Variants in AP5S1 observed in about 807,000 individuals in gnomAD.
AP5S1 encodes the protein adaptor related protein complex 5 subunit sigma 1.
A neutral mutation model predicts 13.9 loss-of-function variants in AP5S1; 13 were observed. The observed-to-expected ratio is 0.94, with a 90% CI of 0.61 to 1.49. The LOEUF (loss-of-function observed/expected upper bound fraction) is 1.49. AP5S1 is among the 40% of genes most tolerant of loss of function. The pLI is 0.00. For missense variants in AP5S1, 292 were observed against 272.3 expected (o/e 1.07, Z -0.51); for synonymous variants, 132 against 121.8 (o/e 1.08, Z -0.55).
rs376444614 is a variant in AP5S1 at position 3,823,977 on chromosome 20, C to T, written c.283C>T (p.Arg95Cys). The T allele has an allele frequency of 6.7e-5, 108 of 1,611,800 alleles. No individual in the cohort carries two copies. Among genetic ancestry groups the T allele is most frequent in the Middle Eastern group, 3.3e-4 (2 of 6,084 alleles). The change falls in exon 3 of 3, where the codon CGT (arginine) becomes TGT (cysteine). Residue 95 changes from arginine to cysteine, a missense_variant. Physicochemically the swap from Arg to Cys is radical, Grantham distance 180 (BLOSUM62 -3). Transcript: ENST00000615891. ...GCAAGTGCCGCTGCACGAGGCCCCA[C>T]GTGGGGCTTTCCGCCTGGCAGCAGA... ...DEQVPLHEAPRGAFRLAAENP... is the reference protein window; with the variant it reads ...DEQVPLHEAPCGAFRLAAENP...
intron 1 of AP5S1, 166 bp downstream of exon 1, chr20:3,820,924 C>G (rs1383721299): frequency 6.6e-6 from 1 of 152,210 alleles, no homozygotes; most frequent in Non-Finnish European, 1.5e-5. Flanking sequence ...CCAGTTTAAA[C>G]TGACGGTCTG....
intron 1 of AP5S1, chr20:3,821,745 T>C (rs2089583202): frequency 9.7e-6 from 2 of 205,222 alleles, no homozygotes; most frequent in African/African-American, 4.7e-5. Context: ...TCAGTCTCCT[T>C]CGGTCTGGAG....
chr20:3,821,887 T>C (rs2089584995), intron 1 of AP5S1: 1 of 972,222 alleles, frequency 1.0e-6, no homozygotes, highest in African/African-American at 1.8e-5. Context: ...TCTTTTTTTT[T>C]TTTTTTAGTT....
At chr20:3,823,777 T>G in intron 2 of AP5S1, 94 bp from the exon 3 acceptor site, 1 of 1,525,370 alleles carries the variant, frequency 6.6e-7, no homozygotes, top group Non-Finnish European at 8.8e-7. Context: ...ACTTGAGATA[T>G]GGGGATGATG....
In AP5S1 at chr20:3,823,953, C is replaced by A; in HGVS notation, c.259C>A (p.Gln87Lys). 1 of 1,609,000 alleles carries A rather than the reference C, an allele frequency of 6.2e-7. No individual in the cohort carries two copies. The highest frequency in any genetic ancestry group is 8.5e-7 in the Non-Finnish European group (1 of 1,180,020). ...MDLQPQSSDEQVPLHEAPRGA... is the reference protein window; with the variant it reads ...MDLQPQSSDEKVPLHEAPRGA... Reference sequence around the variant, plus strand: ...CCTGCAGCCGCAATCCTCAGATGAGCAAGTGCCGCTGCACGAGGCCCCACG... The same window carrying A: ...CCTGCAGCCGCAATCCTCAGATGAGAAAGTGCCGCTGCACGAGGCCCCACG... Residue 87 changes from glutamine (Q) to lysine (K), a missense_variant, in exon 3 of 3, where the codon CAA (glutamine) becomes AAA (lysine). Transcript: ENST00000615891.
rs768974928 is a variant in AP5S1, at chr20:3,822,214, A to G, written c.97A>G (p.Lys33Glu). The G allele has an allele frequency of 6.2e-7, 1 of 1,614,146 alleles. No homozygotes were observed. Among genetic ancestry groups the G allele is most frequent in the Admixed American group, 1.7e-5 (1 of 60,004 alleles). The change falls in exon 2 of 3, where the codon AAG (lysine) becomes GAG (glutamate). Residue 33 changes from lysine to glutamate, a missense_variant. Transcript: ENST00000615891. ...VLYSCVFGAE[K>E]SPDDPRPHGA... The stretch of plus-strand genomic sequence containing the variant: ...GTACTCCTGCGTCTTCGGTGCTGAG[A>G]AGTCACCTGATGACCCACGGCCGCA...
At position 3,820,551 on chromosome 20, in the gene AP5S1, C is replaced by T. The variant is rs2089570144; in HGVS notation, c.-224C>T. On this transcript the variant is annotated 5_prime_UTR_variant, in exon 1 of 3. Transcript: ENST00000615891. ...GCGCAGGCGCCCACGGGCCGCGCAG[C>T]CGCCATTGCTCTCCTGCCACGGAGG... 6.6e-6 allele frequency: 1 copy of T among 152,184 alleles called. No homozygotes were observed. The highest frequency in any genetic ancestry group is 2.1e-4 in the South Asian group (1 of 4,834). The allele number at this position is 152,184 out of a possible 1,614,324, so 9.4% of individuals were successfully genotyped here. A position where few individuals can be genotyped will look rare whatever the true frequency, so the allele number is the denominator to read the frequency against.
intron 1 of AP5S1, 175 bp from the exon 2 acceptor site, chr20:3,821,927 A>AT: frequency 1.1e-6 from 1 of 943,744 alleles, no homozygotes; most frequent in Non-Finnish European, 1.2e-6. Context: ...TATGTCTGAG[A>AT]TTTTTTATCA....
rs2089628812 is a variant in AP5S1 at position 3,827,050 on chromosome 20, G to A, written c.*2753G>A. The stretch of plus-strand genomic sequence containing the variant: ...GTGAGATGGCTATGGAAGCAAACTT[G>A]CCTCCCTCTCCAAGCCTCTTCCCTT... On this transcript the variant is annotated 3_prime_UTR_variant, in exon 3 of 3. Coordinates refer to ENST00000615891, the MANE Select transcript of AP5S1 (RefSeq NM_018347.3). 6.6e-6 allele frequency: 1 copy of A among 152,242 alleles called. No homozygotes were observed. The highest frequency in any genetic ancestry group is 1.9e-4 in the East Asian group (1 of 5,198). 9.4% of individuals were successfully genotyped at this position (152,242 alleles called of 1,614,324 possible). A position where few individuals can be genotyped will look rare whatever the true frequency, so the allele number is the denominator to read the frequency against.
chr20:3,822,985 T>TG (rs2146731027), intron 2 of AP5S1, among the ~76,000 whole-genome samples: 1 of 152,242 alleles, frequency 6.6e-6, no homozygotes, highest in African/African-American at 2.4e-5. Context: ...AGCACCACTC[T>TG]GGGGCAACCT....
intron 1 of AP5S1, 148 bp downstream of exon 1, chr20:3,820,906 C>G (rs2089574639): frequency 3.3e-5 from 5 of 152,310 alleles, no homozygotes; most frequent in African/African-American, 1.2e-4. Context: ...TGCGAACCTG[C>G]TATTTTACCA....
chr20:3,823,332 T>G (rs2089597916), intron 2 of AP5S1, among the ~76,000 whole-genome samples: 1 of 152,168 alleles, frequency 6.6e-6, no homozygotes, highest in Non-Finnish European at 1.5e-5. Flanking sequence ...CACTGCAACC[T>G]CCGCCTCCTG....
In AP5S1 at chr20:3,827,904, AGCATGTGCCACCATGCCTG is replaced by A. The variant is rs1025394724; in HGVS notation, c.*3610_*3628del. On this transcript the variant is annotated 3_prime_UTR_variant, in exon 3 of 3. Coordinates refer to ENST00000615891, the MANE Select transcript of AP5S1 (RefSeq NM_018347.3). ...AGCCTCCCAAGTAGCTGGGATTACA[AGCATGTGCCACCATGCCTG>A]GCTAATTTTTGTATCTTTAGTAGAG... The A allele has an allele frequency of 1.3e-5, 2 of 151,360 alleles. No individual in the cohort carries two copies. Among genetic ancestry groups the A allele is most frequent in the African/African-American group, 4.9e-5 (2 of 41,176 alleles). The allele number at this position is 151,360 out of a possible 1,614,324, so 9.4% of individuals were successfully genotyped here. A position where few individuals can be genotyped will look rare whatever the true frequency, so the allele number is the denominator to read the frequency against.
At position 3,827,253 on chromosome 20, in the gene AP5S1, A is replaced by G. The variant is rs952564379; in HGVS notation, c.*2956A>G. 3 of 152,424 alleles carry G rather than the reference A, an allele frequency of 2.0e-5. No individual in the cohort carries two copies. Among genetic ancestry groups the G allele is most frequent in the African/African-American group, 4.8e-5 (2 of 41,464 alleles). The allele number at this position is 152,424 out of a possible 1,614,324, so 9.4% of individuals were successfully genotyped here. A position where few individuals can be genotyped will look rare whatever the true frequency, so the allele number is the denominator to read the frequency against. ...GAAGAGAGCTTACCTGGAAGGAGGA[A>G]GAAGTCACAGGTTTTGTTTTGTTTT... On this transcript the variant is annotated 3_prime_UTR_variant, in exon 3 of 3. Transcript: ENST00000615891.
Position 3,824,224 on chromosome 20 carries a change from G to T in AP5S1, c.530G>T (p.Gly177Val). 1.9e-6 allele frequency: 3 copies of T among 1,614,210 alleles called. No homozygotes were observed. The highest frequency in any genetic ancestry group is 2.5e-6 in the Non-Finnish European group (3 of 1,180,036). The stretch of plus-strand genomic sequence containing the variant: ...ATCCTCACCCGCTTCCTGCCACATG[G>T]TCAGCTGCTTTTCCTCAACGACCAG... ...EGILTRFLPH[G>V]QLLFLNDQFV... The change falls in exon 3 of 3, where the codon GGT becomes GTT. Residue 177 changes from glycine (G) to valine (V), a missense_variant. Gly to Val is a moderately radical substitution (Grantham distance 109). Coordinates refer to ENST00000615891, the MANE Select transcript of AP5S1 (RefSeq NM_018347.3).
Position 3,824,588 on chromosome 20 carries a change from G to A in AP5S1, c.*291G>A, listed in dbSNP as rs925280467. ...CCACCTTCCTCCATCCCTGCCAGCC[G>A]ATAGTGCTAGGGTGAGGAGCTGCCT... On this transcript the variant is annotated 3_prime_UTR_variant, in exon 3 of 3. Coordinates refer to ENST00000615891, the MANE Select transcript of AP5S1 (RefSeq NM_018347.3). The A allele has an allele frequency of 1.3e-5, 6 of 449,232 alleles. No individual in the cohort carries two copies. The highest frequency in any genetic ancestry group is 3.8e-5 in the Admixed American group (1 of 26,464). 27.8% of individuals were successfully genotyped at this position (449,232 alleles called of 1,614,324 possible). A position where few individuals can be genotyped will look rare whatever the true frequency, so the allele number is the denominator to read the frequency against.
chr20:3,823,794 C>G, intron 2 of AP5S1, 77 bp from the exon 3 acceptor site: 1 of 1,537,744 alleles, frequency 6.5e-7, no homozygotes, highest in East Asian at 2.3e-5. Flanking sequence ...GATGGTAGCT[C>G]CCAGCACCAG....
rs767082301 is a variant in AP5S1 at position 3,822,112 on chromosome 20, G to A, written c.-6G>A. 11 of 1,612,410 alleles carry A rather than the reference G, an allele frequency of 6.8e-6. No homozygotes were observed. The highest frequency in any genetic ancestry group is 9.3e-6 in the Non-Finnish European group (11 of 1,179,176). Reference sequence around the variant, plus strand: ...CTGGCTTCCCTGTAGCACCCACCCTGGAGCCATGGTCCACGCCTTCCTCAT... The same window carrying A: ...CTGGCTTCCCTGTAGCACCCACCCTAGAGCCATGGTCCACGCCTTCCTCAT... On this transcript the variant is annotated 5_prime_UTR_variant, in exon 2 of 3. Transcript: ENST00000615891.
chr20:3,821,809 G>C (rs1231603739), intron 1 of AP5S1: 3 of 644,032 alleles, frequency 4.7e-6, no homozygotes, highest in African/African-American at 4.0e-5. Context: ...GAAGATACCT[G>C]TTGTTTTGTA....
Sources: allele counts gnomAD v4.1 joint callset (sites outside exome capture counted in the v4.1 genomes callset), GRCh38; gene constraint gnomAD v4.1.1; transcripts MANE v1.5; gene names NCBI Gene and HGNC (gene_info 2026-07-23, HGNC 2026-07-21).